Variants in PHIP observed in about 807,000 individuals in gnomAD.
PHIP encodes PH-interacting protein.
PHIP carries 54 observed loss-of-function variants against 236.8 expected under a neutral mutation model. That is an observed-to-expected ratio of 0.23 (90% CI 0.18 to 0.29). The LOEUF (loss-of-function observed/expected upper bound fraction) is 0.29, where lower values mean the gene tolerates loss of function less well. Among genes scored for constraint, PHIP ranks in the 10% least tolerant of loss-of-function variants. The pLI, the probability that PHIP is intolerant of heterozygous loss-of-function variation, is 1.00. For missense variants in PHIP, 1,370 were observed against 2,190.8 expected (o/e 0.63, Z 7.48); for synonymous variants, 756 against 718.9 (o/e 1.05, Z -0.83).
intron 7 of PHIP, among the ~76,000 whole-genome samples, chr6:79,040,615 G>A (rs922256655): frequency 7.2e-5 from 11 of 152,006 alleles, no homozygotes; most frequent in South Asian, 2.1e-4. Context: ...ACTAGTTAGC[G>A]TCTAGTCTGT....
chr6:78,987,241 ACT>A (rs1396258113), intron 21 of PHIP, among the ~76,000 whole-genome samples: 1 of 152,012 alleles, frequency 6.6e-6, no homozygotes, highest in African/African-American at 2.4e-5. Flanking sequence ...TTTAGAGGAA[ACT>A]CTTTCAAAAA....
chr6:79,047,248 T>A (rs1404676780), intron 6 of PHIP, among the ~76,000 whole-genome samples: 3 of 152,188 alleles, frequency 2.0e-5, no homozygotes, highest in Non-Finnish European at 4.4e-5. Context: ...AAACATTAGA[T>A]GTGACTATGC....
chr6:78,985,444 T>C lies in PHIP; in HGVS notation c.2461-16A>G. 1 of 1,274,346 alleles carries C rather than the reference T, an allele frequency of 7.8e-7. No homozygotes were observed. Among genetic ancestry groups the C allele is most frequent in the Non-Finnish European group, 1.1e-6 (1 of 871,972 alleles). The allele number at this position is 1,274,346 out of a possible 1,614,324, so 78.9% of individuals were successfully genotyped here. On this transcript the variant is annotated splice_polypyrimidine_tract_variant and intron_variant, in intron 21 of 39. Coordinates refer to ENST00000275034, the MANE Select transcript of PHIP (RefSeq NM_017934.7). ...CTTCGCCTTCCTAAGATATGTTGAA[T>C]ACATGTCTTATTGCATAATTTTATA... is the stretch of plus-strand genomic sequence containing the variant.
intron 20 of PHIP, among the ~76,000 whole-genome samples, chr6:78,989,899 G>A (rs564522058): frequency 6.6e-6 from 1 of 152,212 alleles, no homozygotes; most frequent in African/African-American, 2.4e-5. Context: ...GATTATTTCA[G>A]AAAGAAATTT....
intron 12 of PHIP, among the ~76,000 whole-genome samples, chr6:79,017,058 A>T (rs1350834909): frequency 1.3e-5 from 2 of 151,972 alleles, no homozygotes; most frequent in African/African-American, 4.8e-5. Context: ...ACTGTGATAC[A>T]TTTTCAATCT....
chr6:78,996,653 C>T (rs1372693355), intron 19 of PHIP, among the ~76,000 whole-genome samples: 1 of 152,112 alleles, frequency 6.6e-6, no homozygotes, highest in Non-Finnish European at 1.5e-5. Context: ...TAAATCCTAA[C>T]ATAAATTCAA....
intron 7 of PHIP, among the ~76,000 whole-genome samples, chr6:79,037,841 T>C (rs1435555200): frequency 6.6e-6 from 1 of 152,208 alleles, no homozygotes; most frequent in Non-Finnish European, 1.5e-5. Flanking sequence ...GCCTCCTGTA[T>C]ACATCAGATA....
intron 21 of PHIP, among the ~76,000 whole-genome samples, chr6:78,986,142 A>G (rs1242381876): frequency 6.6e-6 from 1 of 152,194 alleles, no homozygotes; most frequent in East Asian, 1.9e-4. Context: ...TATTATAGGC[A>G]CATTTATGTT....
intron 24 of PHIP, among the ~76,000 whole-genome samples, chr6:78,971,666 T>G (rs1767566307): frequency 2.0e-5 from 3 of 152,096 alleles, no homozygotes; most frequent in East Asian, 1.9e-4. Context: ...GGTCAGTGGG[T>G]GCGCGCACCG....
chr6:78,946,768 G>A lies in PHIP; in HGVS notation c.4313C>T (p.Thr1438Ile). The change falls in exon 37 of 40, where the codon ACC (threonine) becomes ATC (isoleucine). Residue 1438 changes from threonine to isoleucine, a missense_variant. Transcript: ENST00000275034. The stretch of plus-strand genomic sequence containing the variant: ...TCTGTTTCTTTTCTTCCTCCTTTTG[G>A]TTATGGTATTTCTTTTATGAAAACG... Reference protein sequence around the residue: ...ALRFHKRNTITKRRKKRNRSS... With the variant: ...ALRFHKRNTIIKRRKKRNRSS... 5 of 1,590,712 alleles carry A rather than the reference G, an allele frequency of 3.1e-6. No individual in the cohort carries two copies. The highest frequency in any genetic ancestry group is 4.3e-6 in the Non-Finnish European group (5 of 1,170,988).
At chr6:78,951,837 C>T (rs953069366) in intron 35 of PHIP, among the ~76,000 whole-genome samples, 3 of 152,140 alleles carry the variant, frequency 2.0e-5, no homozygotes, top group Non-Finnish European at 4.4e-5. Flanking sequence ...GTGCACTGGA[C>T]ATAAGGGATA....
chr6:79,056,658 A>G lies in PHIP; in HGVS notation c.439+3820T>C, dbSNP rs541063640. ...TGCTAATAAACATCCAACAATGCACAGGAAAGCTGCCTACATCCAGGAATT... is the reference window on the plus strand; with the variant it reads ...TGCTAATAAACATCCAACAATGCACGGGAAAGCTGCCTACATCCAGGAATT... On this transcript the variant is annotated intron_variant, in intron 6 of 39. Transcript: ENST00000275034. Among the ~76,000 whole-genome samples the G allele has an allele frequency of 2.0e-5, 3 of 152,216 alleles. No homozygotes were observed. The South Asian group carries it at 6.2e-4, about 32-fold the overall frequency.
intron 4 of PHIP, among the ~76,000 whole-genome samples, chr6:79,069,528 T>G (rs1773787962): frequency 6.6e-6 from 1 of 152,106 alleles, no homozygotes; most frequent in African/African-American, 2.4e-5. Context: ...CAGCAGTTTG[T>G]CTGAGGGCAC....
At chr6:79,006,744 A>G (rs928237554) in intron 15 of PHIP, among the ~76,000 whole-genome samples, 2 of 152,056 alleles carry the variant, frequency 1.3e-5, no homozygotes, top group African/African-American at 4.8e-5. Context: ...ATGAGAAATT[A>G]TCAAAATAAG....
At chr6:79,001,286 T>C (rs1381645000) in intron 17 of PHIP, among the ~76,000 whole-genome samples, 1 of 152,092 alleles carries the variant, frequency 6.6e-6, no homozygotes, top group African/African-American at 2.4e-5. Flanking sequence ...TTAACTCTCA[T>C]TTAATTCTTC....
At chr6:79,055,134 T>C (rs1412641402) in intron 6 of PHIP, among the ~76,000 whole-genome samples, 2 of 152,118 alleles carry the variant, frequency 1.3e-5, no homozygotes, top group Middle Eastern at 3.4e-3. Flanking sequence ...AATAAAAATA[T>C]GGAAATACTT....
intron 30 of PHIP, among the ~76,000 whole-genome samples, chr6:78,962,506 T>A (rs1766850417): frequency 6.8e-6 from 1 of 146,852 alleles, no homozygotes; most frequent in Admixed American, 6.7e-5. Context: ...ATCCAGCTCT[T>A]CTTACTCATG....
intron 21 of PHIP, among the ~76,000 whole-genome samples, 169 bp from the exon 22 acceptor site, chr6:78,985,597 T>G (rs1768813125): frequency 6.6e-6 from 1 of 152,206 alleles, no homozygotes; most frequent in Non-Finnish European, 1.5e-5. Context: ...TCCCAACACT[T>G]TGAGAGGTCA....
chr6:78,978,767 A>G, intron 23 of PHIP, 56 bp from the exon 24 acceptor site: 4 of 1,361,926 alleles, frequency 2.9e-6, no homozygotes, highest in Non-Finnish European at 4.1e-6. Flanking sequence ...ATTAATCCAC[A>G]AATCTACTCT....
Sources: allele counts gnomAD v4.1 joint callset (sites outside exome capture counted in the v4.1 genomes callset), GRCh38; gene constraint gnomAD v4.1.1; transcripts MANE v1.5; gene names NCBI Gene and HGNC (gene_info 2026-07-23, HGNC 2026-07-21).